CARS2: variants seen among roughly 807,000 people sequenced by gnomAD.
CARS2 encodes cysteinyl-tRNA synthetase 2, mitochondrial.
In CARS2, 52 loss-of-function variants were observed where a neutral mutation model predicts 68.8. The observed-to-expected ratio is 0.76, with a 90% CI of 0.61 to 0.95. The LOEUF (loss-of-function observed/expected upper bound fraction) is 0.95. Ranked by LOEUF, CARS2 falls within the 40% of genes least tolerant of loss-of-function variation. CARS2 has a pLI of 0.00. For missense variants in CARS2, 780 were observed against 754.2 expected (o/e 1.03, Z -0.40); for synonymous variants, 314 against 303.6 (o/e 1.03, Z -0.36).
chr13:110,678,540 G>A (rs2063040969), intron 6 of CARS2, among the ~76,000 whole-genome samples: 1 of 152,192 alleles, frequency 6.6e-6, no homozygotes, highest in Admixed American at 6.5e-5. Flanking sequence ...TTCATTACTA[G>A]TCACTTTACT....
chr13:110,641,808 G>A (rs1255090571), intron 14 of CARS2, among the ~76,000 whole-genome samples, 200 bp from the exon 15 acceptor site: 3 of 152,258 alleles, frequency 2.0e-5, no homozygotes, highest in Non-Finnish European at 2.9e-5. Flanking sequence ...GGCGGGGGCT[G>A]AGCAGGACCC....
chr13:110,700,761 A>C (rs919162117), intron 3 of CARS2, among the ~76,000 whole-genome samples: 1 of 152,250 alleles, frequency 6.6e-6, no homozygotes, highest in Non-Finnish European at 1.5e-5. Context: ...ACAAATATGA[A>C]TACGTCCAAT....
In CARS2 at chr13:110,668,924, C is replaced by G. The variant is rs1594302327; in HGVS notation, c.786-1451G>C. 6.6e-6 allele frequency among the ~76,000 whole-genome samples: 1 copy of G among 152,240 alleles called. No individual in the cohort carries two copies. The highest frequency in any genetic ancestry group is 2.1e-4 in the South Asian group (1 of 4,830). On this transcript the variant is annotated intron_variant, in intron 7 of 14. Coordinates refer to ENST00000257347, the MANE Select transcript of CARS2 (RefSeq NM_024537.4). This position sits in a 1 kb window ranked among gnomAD's most constrained non-coding sequence, Gnocchi z 4.1. ...TTGAAACTCACTAAATGTTTTCTAC[C>G]TGCTTTAGAGAAATTATTTGAATCT...
chr13:110,690,368 C>T lies in CARS2; in HGVS notation c.394-2350G>A, dbSNP rs540836175. 7.2e-5 allele frequency among the ~76,000 whole-genome samples: 11 copies of T among 152,308 alleles called. No homozygotes were observed. The South Asian group carries it at 1.0e-3, about 14-fold the overall frequency. ...CTTTCCTCCCAGAAGGAAAATACAG[C>T]GACCAGTTTTCCCACAAGCATGAAC... On this transcript the variant is annotated intron_variant, in intron 3 of 14. Coordinates refer to ENST00000257347, the MANE Select transcript of CARS2 (RefSeq NM_024537.4).
intron 3 of CARS2, among the ~76,000 whole-genome samples, chr13:110,692,809 G>T (rs532466662): frequency 6.6e-6 from 1 of 151,802 alleles, no homozygotes; most frequent in Admixed American, 6.6e-5. Context: ...GTGAAACTCT[G>T]TCTCAAAAAA....
rs546841091 is a variant in CARS2, at chr13:110,653,926, C to T, written c.988-2826G>A. 1.5e-3 allele frequency among the ~76,000 whole-genome samples: 227 copies of T among 152,340 alleles called. No homozygotes were observed. The highest frequency in any genetic ancestry group is 2.7e-3 in the Non-Finnish European group (185 of 68,038). On this transcript the variant is annotated intron_variant, in intron 9 of 14. Transcript: ENST00000257347. The surrounding 1 kb of genome is among the most constrained non-coding windows in gnomAD (Gnocchi z 5.6). ...AGTTTCTATACTACTCCGGTTCCAC[C>T]GTGCAACCTGCCACGGCTCCCTGAG...
At chr13:110,713,169 C>A (rs147974514) in exon 1 of CARS2, 17 of 1,428,772 alleles carry the variant, frequency 1.2e-5, no homozygotes, top group African/African-American at 4.3e-5. Flanking sequence ...CGTGATTGGG[C>A]TGTCAAAGTG....
At chr13:110,703,082 T>TC (rs2063837152) in intron 2 of CARS2, among the ~76,000 whole-genome samples, 1 of 151,742 alleles carries the variant, frequency 6.6e-6, no homozygotes, top group Non-Finnish European at 1.5e-5. Context: ...CCCCTGCTCC[T>TC]CCCCCCTAGC....
In CARS2 at chr13:110,641,450, C is replaced by T; in HGVS notation, c.*87G>A. 9.1e-7 allele frequency: 1 copy of T among 1,097,572 alleles called. No homozygotes were observed. Among genetic ancestry groups the T allele is most frequent in the Admixed American group, 1.7e-5 (1 of 59,070 alleles). 68.0% of individuals were successfully genotyped at this position (1,097,572 alleles called of 1,614,324 possible). ...CTTACTTTAATGCTGACCTAGCAGC[C>T]CCGACAGGAAGCTTTAACATAAAGC... On this transcript the variant is annotated 3_prime_UTR_variant, in exon 15 of 15. Coordinates refer to ENST00000257347, the MANE Select transcript of CARS2 (RefSeq NM_024537.4).
At chr13:110,695,872 C>A (rs2063609523) in intron 3 of CARS2, among the ~76,000 whole-genome samples, 1 of 151,554 alleles carries the variant, frequency 6.6e-6, no homozygotes, top group African/African-American at 2.4e-5. Flanking sequence ...TGGTTTGCTG[C>A]ACCCATCAAC....
chr13:110,713,457 G>A, exon 1 of CARS2: 4 of 990,998 alleles, frequency 4.0e-6, no homozygotes, highest in Non-Finnish European at 4.8e-6. Flanking sequence ...TTTGCGCCTC[G>A]CCCGCCGTCC....
At chr13:110,699,849 G>A (rs1203143275) in intron 3 of CARS2, among the ~76,000 whole-genome samples, 1 of 152,246 alleles carries the variant, frequency 6.6e-6, no homozygotes, top group African/African-American at 2.4e-5. Flanking sequence ...AACAGGGAGA[G>A]CCCGAGGAGG....
At chr13:110,706,992 G>C (rs964196503), upstream of CARS2, among the ~76,000 whole-genome samples, 4 of 150,058 alleles carry the variant, frequency 2.7e-5, no homozygotes, top group African/African-American at 7.4e-5. Flanking sequence ...CTCCAATACA[G>C]TGTGCACCCC....
intron 6 of CARS2, 74 bp from the exon 7 acceptor site, chr13:110,677,177 C>CA: frequency 6.8e-7 from 1 of 1,468,654 alleles, no homozygotes; most frequent in Non-Finnish European, 9.1e-7. Flanking sequence ...CATTCACCCC[C>CA]ACCACAGAAA....
upstream of CARS2, chr13:110,706,170 G>GGCCCCGCCCCGCCCC (rs28364706): frequency 1.9e-6 from 2 of 1,077,376 alleles, no homozygotes; most frequent in East Asian, 7.7e-5. Context: ...AGAGCAGCAC[G>GGCCCCGCCCCGCCCC]GCCCCGCCCC....
At chr13:110,655,746 C>T (rs530353536) in intron 9 of CARS2, among the ~76,000 whole-genome samples, 26 of 152,336 alleles carry the variant, frequency 1.7e-4, no homozygotes, top group African/African-American at 5.8e-4. Context: ...CCCATCATGT[C>T]TATAATCAAA....
chr13:110,682,123 T>C (rs1278322823), intron 6 of CARS2, among the ~76,000 whole-genome samples: 3 of 152,002 alleles, frequency 2.0e-5, no homozygotes, highest in African/African-American at 7.3e-5. Flanking sequence ...TGGGGGGCGG[T>C]GTGGAGGGTA....
rs1183472150 is a variant in CARS2 at position 110,668,060 on chromosome 13, G to A, written c.786-587C>T. On this transcript the variant is annotated intron_variant, in intron 7 of 14. Coordinates refer to ENST00000257347, the MANE Select transcript of CARS2 (RefSeq NM_024537.4). The surrounding 1 kb of genome is among the most constrained non-coding windows in gnomAD (Gnocchi z 4.1). ...CCTGGACCAGCTGCAGAAGCATGGC[G>A]ACGCAGCAGGCCGGTGGATTTTCTT... Among the ~76,000 whole-genome samples the A allele has an allele frequency of 2.6e-5, 4 of 152,226 alleles. No individual in the cohort carries two copies. The South Asian group carries it at 6.2e-4, about 24-fold the overall frequency.
rs9588243 is a variant in CARS2 at position 110,701,356 on chromosome 13, G to A, written c.393+82C>T. ...TGGGATTACAGGCGTAAGCTACCAC[G>A]CCCGGCCAAGAACCACTTTCAGGAA... On this transcript the variant is annotated intron_variant, in intron 3 of 14. Coordinates refer to ENST00000257347, the MANE Select transcript of CARS2 (RefSeq NM_024537.4). The A allele has an allele frequency of 0.013, 9,227 of 734,582 alleles. 451 individuals are homozygous for A. The highest frequency in any genetic ancestry group is 0.12 in the African/African-American group (6,892 of 57,660). The allele number at this position is 734,582 out of a possible 1,614,324, so 45.5% of individuals were successfully genotyped here. A position where few individuals can be genotyped will look rare whatever the true frequency, so the allele number is the denominator to read the frequency against.
Sources: allele counts gnomAD v4.1 joint callset (sites outside exome capture counted in the v4.1 genomes callset), GRCh38; gene constraint gnomAD v4.1.1; non-coding constraint Gnocchi (gnomAD v3.1); transcripts MANE v1.5; gene names NCBI Gene and HGNC (gene_info 2026-07-23, HGNC 2026-07-21).